The following CCDC171 variants were observed in gnomAD, a reference collection of about 807,000 sequenced individuals.
The protein encoded by CCDC171 is coiled-coil domain containing 171.
Under a neutral mutation model 168.2 loss-of-function variants are expected in CCDC171, and 177 were observed. The observed-to-expected ratio is 1.05, with a 90% CI of 0.93 to 1.19. CCDC171 has a LOEUF of 1.19. Ranked by LOEUF, CCDC171 falls within the 50% of genes most tolerant of loss-of-function variation. The pLI is 0.00. For missense variants in CCDC171, 1,991 were observed against 1,539.0 expected (o/e 1.29, Z -4.91); for synonymous variants, 687 against 540.8 (o/e 1.27, Z -3.75).
At chr9:15,938,517 C>G (rs948945673) in intron 25 of CCDC171, among the ~76,000 whole-genome samples, 6 of 151,814 alleles carry the variant, frequency 4.0e-5, no homozygotes, top group African/African-American at 1.4e-4. Flanking sequence ...GGCCTTTTAC[C>G]TAGAACAAAA....
chr9:16,082,727 T>C, the CCDC171 span, among the ~76,000 whole-genome samples: 17 of 152,216 alleles, frequency 1.1e-4, no homozygotes, highest in Non-Finnish European at 2.2e-4. Flanking sequence ...AGAGATGTGG[T>C]AACATAGAAT....
At chr9:16,092,939 A>G in the CCDC171 span, among the ~76,000 whole-genome samples, 1 of 152,228 alleles carries the variant, frequency 6.6e-6, no homozygotes, top group African/African-American at 2.4e-5. Flanking sequence ...GAGCTCTGCA[A>G]CATGGGTGGT....
Position 15,729,748 on chromosome 9 carries a change from C to T in CCDC171, c.1999C>T (p.Leu667=). The T allele has an allele frequency of 6.2e-7, 1 of 1,613,310 alleles. No homozygotes were observed. The highest frequency in any genetic ancestry group is 8.5e-7 in the Non-Finnish European group (1 of 1,179,438). The change falls in exon 16 of 26, where the codon CTA becomes TTA. Residue 667 remains leucine, a synonymous_variant. Coordinates refer to ENST00000380701, the MANE Select transcript of CCDC171 (RefSeq NM_173550.4). ...ESCWHRQKKE[L]ELQYSELFLE... ...CTGCTGGCACAGACAAAAGAAGGAA[C>T]TAGAGCTGCAGTATTCTGAACTCTT...
chr9:15,959,052 CAGG>C (rs1589250777), intron 25 of CCDC171, among the ~76,000 whole-genome samples: 1 of 152,238 alleles, frequency 6.6e-6, no homozygotes, highest in African/African-American at 2.4e-5. Context: ...AAGTTTGAAA[CAGG>C]GGGCTTGGAA....
chr9:15,986,498 C>A (rs1156777317), intron 3 of CCDC171, among the ~76,000 whole-genome samples: 1 of 152,122 alleles, frequency 6.6e-6, no homozygotes, highest in East Asian at 1.9e-4. Flanking sequence ...AATGCAAAGC[C>A]TTCCTTCAGT....
intron 4 of CCDC171, 52 bp from the exon 5 acceptor site, chr9:15,591,314 C>T: frequency 8.5e-7 from 1 of 1,179,178 alleles, no homozygotes; most frequent in Non-Finnish European, 1.2e-6. Flanking sequence ...TTTGGGGCTC[C>T]TTGTTATTTA....
chr9:15,908,921 A>G (rs573307466), intron 24 of CCDC171, among the ~76,000 whole-genome samples: 1 of 152,158 alleles, frequency 6.6e-6, no homozygotes, highest in South Asian at 2.1e-4. Flanking sequence ...AGCACTGGGG[A>G]TTACAATTCA....
chr9:16,065,119 T>A (rs1461878489), downstream of CCDC171, among the ~76,000 whole-genome samples: 1 of 152,234 alleles, frequency 6.6e-6, no homozygotes, highest in Non-Finnish European at 1.5e-5. Context: ...CAGGTCCGCC[T>A]GCGAGCAAAG....
chr9:15,718,749 G>A (rs1397394381), intron 11 of CCDC171, among the ~76,000 whole-genome samples: 1 of 152,238 alleles, frequency 6.6e-6, no homozygotes, highest in East Asian at 1.9e-4. Flanking sequence ...AGGAGCCACA[G>A]TGTTACTGGG....
At chr9:15,926,076 T>A (rs1284923161) in intron 25 of CCDC171, among the ~76,000 whole-genome samples, 2 of 151,678 alleles carry the variant, frequency 1.3e-5, no homozygotes, top group African/African-American at 4.8e-5. Context: ...TAAAAAAATC[T>A]GTGGATGCAC....
intron 23 of CCDC171, among the ~76,000 whole-genome samples, chr9:15,873,017 C>A (rs1443693057): frequency 6.6e-6 from 1 of 152,048 alleles, no homozygotes; most frequent in Non-Finnish European, 1.5e-5. Context: ...TGAATTGAGA[C>A]TCCAGCATGC....
At position 15,558,741 on chromosome 9, in the gene CCDC171, G is replaced by T. The variant is rs547599406; in HGVS notation, c.-111-5237G>T. Among the ~76,000 whole-genome samples, 6 of 152,120 alleles carry T rather than the reference G, an allele frequency of 3.9e-5. No homozygotes were observed. The East Asian group carries it at 1.2e-3, about 29-fold the overall frequency. ...TTGTGTCTCTATCTCCTTCAGTTCT[G>T]CTCTGATCTTAGTTATTTCTTGCCT... On this transcript the variant is annotated intron_variant, in intron 1 of 25. Coordinates refer to ENST00000380701, the MANE Select transcript of CCDC171 (RefSeq NM_173550.4).
In CCDC171 at chr9:15,813,622, G is replaced by GTA. The variant is rs1364927967; in HGVS notation, c.3267+28942_3267+28943dup. Among the ~76,000 whole-genome samples, 681 of 150,978 alleles carry GTA rather than the reference G, an allele frequency of 4.5e-3. 3 individuals are homozygous for GTA. Among genetic ancestry groups the GTA allele is most frequent in the African/African-American group, 0.014 (589 of 41,238 alleles). On this transcript the variant is annotated intron_variant, in intron 21 of 25. Transcript: ENST00000380701. ...TACATGTATTTGTGTGTGTGTGTGT[G>GTA]TATATATATATATATTAAACTATAT...
chr9:15,930,254 T>C (rs146825302), intron 25 of CCDC171, among the ~76,000 whole-genome samples: 1 of 151,878 alleles, frequency 6.6e-6, no homozygotes, highest in East Asian at 1.9e-4. Context: ...CACCAAATTT[T>C]CTTTAATTTC....
intron 25 of CCDC171, among the ~76,000 whole-genome samples, chr9:15,942,776 A>C (rs562198812): frequency 1.3e-5 from 2 of 152,050 alleles, no homozygotes; most frequent in South Asian, 4.1e-4. Context: ...TAAGAAGAAA[A>C]TACTGAATTA....
At chr9:15,575,331 G>A (rs2040562784) in intron 3 of CCDC171, among the ~76,000 whole-genome samples, 1 of 151,916 alleles carries the variant, frequency 6.6e-6, no homozygotes, top group African/African-American at 2.4e-5. Context: ...GTGCCACCAT[G>A]CTTGGCTAAT....
chr9:15,698,307 G>A (rs2133824460), intron 11 of CCDC171, among the ~76,000 whole-genome samples: 1 of 152,184 alleles, frequency 6.6e-6, no homozygotes, highest in African/African-American at 2.4e-5. Context: ...GGATCACGAG[G>A]TCAGGAGATT....
At position 15,623,475 on chromosome 9, in the gene CCDC171, G is replaced by GCGCGCGCGCGCGCACACACACA; in HGVS notation, c.822+63_822+64insGCGCGCGCGCGCACACACACAC. 526 of 315,412 alleles carry GCGCGCGCGCGCGCACACACACA rather than the reference G, an allele frequency of 1.7e-3. 4 individuals carry two copies. Among genetic ancestry groups the GCGCGCGCGCGCGCACACACACA allele is most frequent in the Admixed American group, 3.8e-3 (75 of 19,760 alleles). The allele number at this position is 315,412 out of a possible 1,614,324, so 19.5% of individuals were successfully genotyped here. On this transcript the variant is annotated intron_variant, in intron 7 of 25. Coordinates refer to ENST00000380701, the MANE Select transcript of CCDC171 (RefSeq NM_173550.4). ...CAAACTTTCACATATGCGCGCGCGC[G>GCGCGCGCGCGCGCACACACACA]CACACACACACACACACACACACAC...
At chr9:15,703,471 A>G (rs1554768584) in intron 11 of CCDC171, among the ~76,000 whole-genome samples, 1 of 151,322 alleles carries the variant, frequency 6.6e-6, no homozygotes, top group Non-Finnish European at 1.5e-5. Context: ...CATGAGATCA[A>G]TTTTTTTTTA....
Sources: allele counts gnomAD v4.1 joint callset (sites outside exome capture counted in the v4.1 genomes callset), GRCh38; gene constraint gnomAD v4.1.1; transcripts MANE v1.5; gene names NCBI Gene and HGNC (gene_info 2026-07-23, HGNC 2026-07-21).